The following GRIP1 variants were observed in gnomAD, a reference collection of about 807,000 sequenced individuals.
The protein encoded by GRIP1 is glutamate receptor-interacting protein 1.
A neutral mutation model predicts 129.9 loss-of-function variants in GRIP1; 45 were observed. The ratio of observed to expected loss-of-function variants is 0.35; its 90% CI spans 0.27 to 0.44. GRIP1 has a LOEUF of 0.44. Among genes scored for constraint, GRIP1 ranks in the 20% least tolerant of loss-of-function variants. The pLI is 1.00. For missense variants in GRIP1, 1,196 were observed against 1,396.8 expected, an observed-to-expected ratio of 0.86 and a Z score of 2.29; for synonymous variants, 530 against 520.8, an observed-to-expected ratio of 1.02 and a Z score of -0.24.
At chr12:66,830,744 C>T (rs1202364566) in intron 1 of GRIP1, among the ~76,000 whole-genome samples, 1 of 151,990 alleles carries the variant, frequency 6.6e-6, no homozygotes, top group African/African-American at 2.4e-5. Context: ...AGTTAAATAA[C>T]TTGCTCCAAG....
chr12:66,638,170 G>A (rs1269364024), intron 1 of GRIP1, among the ~76,000 whole-genome samples: 1 of 152,180 alleles, frequency 6.6e-6, no homozygotes, highest in Non-Finnish European at 1.5e-5. Context: ...TGGGGTGAGA[G>A]CGATGGCAAG....
chr12:66,930,055 C>CTCTT (rs67075541), intron 1 of GRIP1, among the ~76,000 whole-genome samples: 1 of 128,772 alleles, frequency 7.8e-6, no homozygotes, highest in Non-Finnish European at 1.6e-5. Context: ...CTCTCTCTCT[C>CTCTT]TTTTTTTTTT....
At chr12:66,704,790 T>C (rs534440151) in intron 1 of GRIP1, among the ~76,000 whole-genome samples, 113 of 152,224 alleles carry the variant, frequency 7.4e-4, no homozygotes, top group African/African-American at 2.6e-3. Context: ...TGCTTAAAAA[T>C]AAAAGCACTT....
intron 2 of GRIP1, among the ~76,000 whole-genome samples, chr12:66,577,752 C>G (rs187319795): frequency 1.3e-5 from 2 of 152,092 alleles, no homozygotes; most frequent in African/African-American, 4.8e-5. Context: ...GAATTCAAAA[C>G]CATCCTGGGC....
chr12:66,566,737 T>C (rs1387101946), intron 2 of GRIP1, among the ~76,000 whole-genome samples: 1 of 152,188 alleles, frequency 6.6e-6, no homozygotes, highest in Non-Finnish European at 1.5e-5. Flanking sequence ...AATTCGGCTG[T>C]GAATCCGTCT....
chr12:66,660,254 T>C (rs994618573), intron 1 of GRIP1, among the ~76,000 whole-genome samples: 3 of 138,510 alleles, frequency 2.2e-5, no homozygotes, highest in African/African-American at 8.3e-5. Context: ...AAATAATAGC[T>C]AAATATTAAA....
chr12:66,400,997 G>T (rs917319461), intron 16 of GRIP1, among the ~76,000 whole-genome samples: 2 of 152,086 alleles, frequency 1.3e-5, no homozygotes, highest in African/African-American at 2.4e-5. Flanking sequence ...GCAGCCTCAG[G>T]AATCCCAGAG....
chr12:66,946,709 G>A (rs180693051), intron 1 of GRIP1, among the ~76,000 whole-genome samples: 1 of 146,236 alleles, frequency 6.8e-6, no homozygotes, highest in African/African-American at 2.5e-5. Context: ...ACCAATGCTT[G>A]GGCTGGCCAT....
chr12:66,637,574 G>GT (rs34630743), intron 1 of GRIP1, among the ~76,000 whole-genome samples: 31,397 of 150,662 alleles, frequency 0.21, 3,329 homozygotes, highest in African/African-American at 0.26. Flanking sequence ...ATTTTTGTAT[G>GT]TTTTTTTTTA....
At chr12:66,678,714 T>C (rs1346985467) in intron 1 of GRIP1, 136 bp downstream of exon 1, 7 of 785,544 alleles carry the variant, frequency 8.9e-6, no homozygotes, top group African/African-American at 3.4e-5. Flanking sequence ...TATGTATCTA[T>C]ACATATTTCA....
intron 7 of GRIP1, among the ~76,000 whole-genome samples, chr12:66,479,442 A>G (rs1034593279): frequency 2.0e-5 from 3 of 152,156 alleles, no homozygotes; most frequent in East Asian, 1.9e-4. Context: ...CTACCAACCA[A>G]AAAAAAGCCC....
chr12:66,516,271 T>C (rs763830328), intron 6 of GRIP1, among the ~76,000 whole-genome samples: 5 of 152,116 alleles, frequency 3.3e-5, no homozygotes, highest in African/African-American at 7.2e-5. Flanking sequence ...ATTCAATTGA[T>C]TCGATCTCAC....
intron 1 of GRIP1, among the ~76,000 whole-genome samples, chr12:66,889,793 C>T (rs1254398226): frequency 6.6e-6 from 1 of 152,184 alleles, no homozygotes; most frequent in Admixed American, 6.5e-5. Flanking sequence ...GAATTTGGAG[C>T]TACATTTCTA....
At position 66,578,559 on chromosome 12, in the gene GRIP1, C is replaced by G. The variant is rs573879406; in HGVS notation, c.136+18288G>C. ...AAATCGGGTCACTCCCACCCAAATA[C>G]TGCGCTTTTCCAAAGGGCTTAAAAA... On this transcript the variant is annotated intron_variant, in intron 2 of 24. Transcript: ENST00000359742. Among the ~76,000 whole-genome samples the G allele has an allele frequency of 5.3e-5, 8 of 152,302 alleles. No individual in the cohort carries two copies. The East Asian group carries it at 1.5e-3, about 29-fold the overall frequency.
At chr12:66,821,664 C>A (rs2039320846) in intron 1 of GRIP1, among the ~76,000 whole-genome samples, 1 of 152,172 alleles carries the variant, frequency 6.6e-6, no homozygotes, top group Non-Finnish European at 1.5e-5. Flanking sequence ...ATAAATCTCT[C>A]TTATACATAC....
intron 1 of GRIP1, among the ~76,000 whole-genome samples, chr12:66,828,459 G>T (rs1192104454): frequency 1.3e-5 from 2 of 152,084 alleles, no homozygotes; most frequent in South Asian, 2.1e-4. Context: ...TGAACCAACA[G>T]CTCACATTCC....
chr12:66,943,673 A>AGCT (rs2041623537), intron 1 of GRIP1, among the ~76,000 whole-genome samples: 1 of 152,210 alleles, frequency 6.6e-6, no homozygotes, highest in African/African-American at 2.4e-5. Flanking sequence ...TTCATTTGAT[A>AGCT]GCTACCACAA....
At chr12:66,847,485 T>G (rs1263312401) in intron 1 of GRIP1, among the ~76,000 whole-genome samples, 1 of 152,206 alleles carries the variant, frequency 6.6e-6, no homozygotes, top group Non-Finnish European at 1.5e-5. Context: ...TCCAGCTATA[T>G]GCTTTAATTT....
At chr12:66,841,182 G>A (rs750513014) in intron 1 of GRIP1, among the ~76,000 whole-genome samples, 2 of 152,084 alleles carry the variant, frequency 1.3e-5, no homozygotes, top group Non-Finnish European at 2.9e-5. Context: ...AAAAATGAAC[G>A]AAAATCTGAA....
Sources: gnomAD v4.1 joint callset for allele counts (sites outside exome capture counted in the v4.1 genomes callset) on GRCh38, gnomAD v4.1.1 for gene constraint, MANE v1.5 for transcripts, NCBI Gene and HGNC (gene_info 2026-07-23, HGNC 2026-07-21) for gene names.